The following ORC3 variants were observed in gnomAD, a reference collection of about 807,000 sequenced individuals.
ORC3 encodes the protein origin recognition complex subunit 3.
In ORC3, 78 loss-of-function variants were observed where a neutral mutation model predicts 100.7. The observed-to-expected ratio is 0.77, with a 90% CI of 0.65 to 0.94. The LOEUF (loss-of-function observed/expected upper bound fraction) is 0.94. ORC3 is among the 40% of genes least tolerant of loss of function. ORC3 has a pLI of 0.00. For missense variants in ORC3, 789 were observed against 823.9 expected, an observed-to-expected ratio of 0.96 and a Z score of 0.52; for synonymous variants, 295 against 289.3, an observed-to-expected ratio of 1.02 and a Z score of -0.20.
intron 11 of ORC3, among the ~76,000 whole-genome samples, chr6:87,630,766 C>G (rs1583087242): frequency 6.6e-6 from 1 of 152,080 alleles, no homozygotes; most frequent in Non-Finnish European, 1.5e-5. Flanking sequence ...GAGCTTGCCA[C>G]TCAAGAATCT....
At chr6:87,626,458 G>A (rs1489546307) in intron 11 of ORC3, among the ~76,000 whole-genome samples, 1 of 152,044 alleles carries the variant, frequency 6.6e-6, no homozygotes, top group Non-Finnish European at 1.5e-5. Flanking sequence ...ATTGTGAATG[G>A]GAGCTATTTA....
Position 87,664,813 on chromosome 6 carries a change from T to G in ORC3, c.1904T>G (p.Leu635Arg). Residue 635 changes from leucine (L) to arginine (R), a missense_variant, in exon 18 of 20, where the codon CTG becomes CGG. Leu to Arg is a moderately radical substitution (Grantham distance 102). Transcript: ENST00000392844. ...CCAGACATCTGCATAGCATACAAACTGCACCTAGAGTGTAGCAGGCTCATC... is the reference window on the plus strand; with the variant it reads ...CCAGACATCTGCATAGCATACAAACGGCACCTAGAGTGTAGCAGGCTCATC... ...IAPDICIAYKLHLECSRLINL... is the reference protein window; with the variant it reads ...IAPDICIAYKRHLECSRLINL... 6.2e-7 allele frequency: 1 copy of G among 1,614,100 alleles called. No individual in the cohort carries two copies. Among genetic ancestry groups the G allele is most frequent in the East Asian group, 2.2e-5 (1 of 44,880 alleles).
intron 3 of ORC3, 136 bp downstream of exon 3, chr6:87,602,017 A>T: frequency 3.3e-6 from 2 of 600,168 alleles, no homozygotes; most frequent in East Asian, 5.7e-5. Context: ...GTATATCCTT[A>T]AAAAAACAAC....
intron 11 of ORC3, among the ~76,000 whole-genome samples, chr6:87,624,506 T>G (rs1270690115): frequency 6.6e-6 from 1 of 152,084 alleles, no homozygotes; most frequent in Non-Finnish European, 1.5e-5. Flanking sequence ...AACAAAAGAA[T>G]GTGTCTTGAT....
the ORC3 span, among the ~76,000 whole-genome samples, chr6:87,674,393 G>T: frequency 6.5e-4 from 97 of 150,010 alleles, 1 homozygote; most frequent in African/African-American, 2.4e-3. Context: ...TTGGAAATAT[G>T]CTACTAGAAT....
At chr6:87,598,809 T>C (rs1777662331) in intron 2 of ORC3, among the ~76,000 whole-genome samples, 1 of 152,226 alleles carries the variant, frequency 6.6e-6, no homozygotes, top group Non-Finnish European at 1.5e-5. Flanking sequence ...CTGGCTTCAG[T>C]TGTTGAAACA....
chr6:87,596,372 A>T (rs972094142), intron 2 of ORC3, among the ~76,000 whole-genome samples: 20 of 150,536 alleles, frequency 1.3e-4, no homozygotes, highest in African/African-American at 4.2e-4. Context: ...CGGCCTTGTG[A>T]TCTGCCCACC....
At chr6:87,628,208 C>T (rs904621067) in intron 11 of ORC3, among the ~76,000 whole-genome samples, 1 of 152,186 alleles carries the variant, frequency 6.6e-6, no homozygotes, top group Admixed American at 6.5e-5. Flanking sequence ...TCAGGATAAA[C>T]AGCTAATGCA....
intron 7 of ORC3, 191 bp downstream of exon 7, chr6:87,609,420 C>T (rs1037810421): frequency 1.5e-5 from 7 of 471,566 alleles, no homozygotes; most frequent in Non-Finnish European, 2.6e-5. Context: ...GAATGAGAAT[C>T]AAAGGCACAT....
intron 2 of ORC3, among the ~76,000 whole-genome samples, chr6:87,597,062 A>G (rs1176826927): frequency 6.6e-6 from 1 of 152,136 alleles, no homozygotes; most frequent in Non-Finnish European, 1.5e-5. Flanking sequence ...CCTTATCCCA[A>G]ATCTTGGGAC....
chr6:87,666,229 T>A (rs186302899), intron 19 of ORC3, among the ~76,000 whole-genome samples: 1 of 152,264 alleles, frequency 6.6e-6, no homozygotes, highest in Non-Finnish European at 1.5e-5. Flanking sequence ...CCTCCTGGGT[T>A]CAAGCAATTC....
downstream of ORC3, among the ~76,000 whole-genome samples, chr6:87,670,189 G>A (rs540702560): frequency 6.6e-6 from 1 of 151,730 alleles, no homozygotes; most frequent in Non-Finnish European, 1.5e-5. Flanking sequence ...TTTCTTTTTC[G>A]AGACAGAATT....
intron 4 of ORC3, among the ~76,000 whole-genome samples, chr6:87,605,627 A>G (rs1357940011): frequency 2.6e-5 from 4 of 151,720 alleles, no homozygotes; most frequent in Non-Finnish European, 5.9e-5. Flanking sequence ...TCCAGCCTGG[A>G]TGACAGAGCG....
At chr6:87,610,076 A>G (rs1314761679) in intron 7 of ORC3, among the ~76,000 whole-genome samples, 2 of 152,146 alleles carry the variant, frequency 1.3e-5, no homozygotes, top group African/African-American at 4.8e-5. Flanking sequence ...ATCCAGTGAC[A>G]TGCATTTTCC....
chr6:87,628,256 C>A (rs1274165810), intron 11 of ORC3, among the ~76,000 whole-genome samples: 1 of 152,168 alleles, frequency 6.6e-6, no homozygotes, highest in Non-Finnish European at 1.5e-5. Flanking sequence ...TTGATAGGTG[C>A]AGCAAACTAC....
At chr6:87,596,378 C>T (rs1480517383) in intron 2 of ORC3, among the ~76,000 whole-genome samples, 1 of 151,740 alleles carries the variant, frequency 6.6e-6, no homozygotes, top group Admixed American at 6.6e-5. Flanking sequence ...TGTGATCTGC[C>T]CACCTCAGCC....
rs1359443783 is a variant in ORC3, at chr6:87,664,819, TAG to T, written c.1913_1914del (p.Glu638ValfsTer2). On this transcript the variant is annotated frameshift_variant, in exon 18 of 20. Coordinates refer to ENST00000392844, the MANE Select transcript of ORC3 (RefSeq NM_012381.4). LOFTEE classifies it high-confidence loss of function. ...ATCTGCATAGCATACAAACTGCACC[TAG>T]AGTGTAGCAGGCTCATCAACCTCGT... 5.0e-6 allele frequency: 8 copies of T among 1,613,820 alleles called. No homozygotes were observed. The highest frequency in any genetic ancestry group is 1.3e-5 in the African/African-American group (1 of 74,922).
At chr6:87,603,228 C>T (rs948373647) in intron 3 of ORC3, among the ~76,000 whole-genome samples, 156 bp from the exon 4 acceptor site, 1 of 151,652 alleles carries the variant, frequency 6.6e-6, no homozygotes, top group Non-Finnish European at 1.5e-5. Context: ...ACCCAGAGCA[C>T]TAATTACTAG....
chr6:87,594,222 C>A, intron 1 of ORC3, 131 bp from the exon 2 acceptor site: 1 of 582,430 alleles, frequency 1.7e-6, no homozygotes, highest in South Asian at 3.0e-5. Context: ...TTTCTTAGAA[C>A]CTGAAAGAAA....
Sources: gnomAD v4.1 joint callset for allele counts (sites outside exome capture counted in the v4.1 genomes callset) on GRCh38, gnomAD v4.1.1 for gene constraint, MANE v1.5 for transcripts, NCBI Gene and HGNC (gene_info 2026-07-23, HGNC 2026-07-21) for gene names.